Variants in ADCY1 observed in about 807,000 individuals in gnomAD.
ADCY1 encodes the protein adenylate cyclase type 1.
In ADCY1, 28 loss-of-function variants were observed where a neutral mutation model predicts 105.4. That is an observed-to-expected ratio of 0.27 (90% CI 0.20 to 0.36). The LOEUF is 0.36. ADCY1 is among the 10% of genes least tolerant of loss of function. ADCY1 has a pLI of 1.00. For synonymous variants in ADCY1, 655 were observed against 623.8 expected, an observed-to-expected ratio of 1.05 and a Z score of -0.75; for missense variants, 977 against 1,434.2, an observed-to-expected ratio of 0.68 and a Z score of 5.15.
chr7:45,642,651 T>C (rs535960492), intron 4 of ADCY1, among the ~76,000 whole-genome samples: 3 of 152,326 alleles, frequency 2.0e-5, no homozygotes, highest in African/African-American at 7.2e-5. Flanking sequence ...TGTGCACTTC[T>C]CGTTGCTTCT....
rs1222634217 is a variant in ADCY1, at chr7:45,721,640, A to G, written c.*7645A>G. On this transcript the variant is annotated 3_prime_UTR_variant, in exon 20 of 20. Coordinates refer to ENST00000297323, the MANE Select transcript of ADCY1 (RefSeq NM_021116.4). The stretch of plus-strand genomic sequence containing the variant: ...ATCTTCCTCTGCTGTAGAGCCATTT[A>G]ATGTTATTGTCATATGCTGCTGGTG... 9.5e-5 allele frequency: 38 copies of G among 398,406 alleles called. No individual in the cohort carries two copies. The highest frequency in any genetic ancestry group is 1.5e-4 in the Non-Finnish European group (35 of 226,070). The allele number at this position is 398,406 out of a possible 1,614,324, so 24.7% of individuals were successfully genotyped here. A position where few individuals can be genotyped will look rare whatever the true frequency, so the allele number is the denominator to read the frequency against.
At chr7:45,644,836 A>G (rs191452265) in intron 4 of ADCY1, among the ~76,000 whole-genome samples, 1 of 152,350 alleles carries the variant, frequency 6.6e-6, no homozygotes, top group African/African-American at 2.4e-5. Context: ...AACAAAAGCC[A>G]GGGCCTCTGA....
chr7:45,589,344 G>T (rs893505692), intron 1 of ADCY1, among the ~76,000 whole-genome samples: 1 of 152,140 alleles, frequency 6.6e-6, no homozygotes, highest in African/African-American at 2.4e-5. Flanking sequence ...GCCGGGGTTG[G>T]GTCTCCTGCT....
At chr7:45,711,970 C>CATATATTAAATATGTATTTTAT (rs1284620069) in intron 19 of ADCY1, among the ~76,000 whole-genome samples, 1 of 102,426 alleles carries the variant, frequency 9.8e-6, no homozygotes, top group East Asian at 2.5e-4. Flanking sequence ...TATATAAATA[C>CATATATTAAATATGTATTTTAT]ATATTATATT....
chr7:45,616,909 G>A (rs1186694942), intron 3 of ADCY1, among the ~76,000 whole-genome samples: 3 of 152,192 alleles, frequency 2.0e-5, no homozygotes, highest in Non-Finnish European at 4.4e-5. Flanking sequence ...ACCCACAGGA[G>A]GGGCAAGTGA....
At chr7:45,627,151 T>C (rs1488167336) in intron 4 of ADCY1, among the ~76,000 whole-genome samples, 1 of 152,168 alleles carries the variant, frequency 6.6e-6, no homozygotes, top group Non-Finnish European at 1.5e-5. Context: ...GGCCAGCACA[T>C]GATGTCATCT....
At position 45,693,482 on chromosome 7, in the gene ADCY1, T is replaced by C. The variant is rs1319881339; in HGVS notation, c.2454+6809T>C. 4.9e-4 allele frequency among the ~76,000 whole-genome samples: 72 copies of C among 145,646 alleles called. 1 individual carries two copies. The highest frequency in any genetic ancestry group is 1.8e-3 in the African/African-American group (69 of 38,990). Reference sequence around the variant, plus strand: ...CTGGTCCTGGACTCTTTTTGGTTGGTAAACTATTGATTATTGCCACAATTT... The same window carrying C: ...CTGGTCCTGGACTCTTTTTGGTTGGCAAACTATTGATTATTGCCACAATTT... On this transcript the variant is annotated intron_variant, in intron 14 of 19. Transcript: ENST00000297323.
intron 19 of ADCY1, among the ~76,000 whole-genome samples, chr7:45,711,973 AT>A (rs1785260349): frequency 5.8e-5 from 3 of 52,052 alleles, no homozygotes; most frequent in South Asian, 1.6e-3. Flanking sequence ...ATAAATACAT[AT>A]TATATTAAAT....
At chr7:45,645,029 CAT>C (rs577911458) in intron 4 of ADCY1, among the ~76,000 whole-genome samples, 24 of 152,124 alleles carry the variant, frequency 1.6e-4, no homozygotes, top group Admixed American at 3.9e-4. Flanking sequence ...TATGTGCACA[CAT>C]GTGTGTATGG....
At chr7:45,627,475 T>C (rs1451471779) in intron 4 of ADCY1, among the ~76,000 whole-genome samples, 1 of 152,232 alleles carries the variant, frequency 6.6e-6, no homozygotes, top group African/African-American at 2.4e-5. Flanking sequence ...GAGTTGGCAC[T>C]GAGTCCCAGC....
chr7:45,702,846 G>C (rs546575756), intron 14 of ADCY1, among the ~76,000 whole-genome samples: 170 of 152,348 alleles, frequency 1.1e-3, no homozygotes, highest in South Asian at 2.3e-3. Flanking sequence ...ATTGGCCCTG[G>C]ATCTGCCCCT....
At chr7:45,677,681 C>T (rs1455653611) in intron 8 of ADCY1, among the ~76,000 whole-genome samples, 188 bp from the exon 9 acceptor site, 3 of 152,126 alleles carry the variant, frequency 2.0e-5, no homozygotes, top group Non-Finnish European at 4.4e-5. Context: ...GTGGGAACCC[C>T]AACACTGGCT....
intron 11 of ADCY1, chr7:45,680,522 T>C (rs1198114816): frequency 1.3e-5 from 2 of 152,266 alleles, no homozygotes; most frequent in African/African-American, 2.4e-5. Flanking sequence ...CCCAGTGTTA[T>C]ATTTGCATAA....
At chr7:45,608,495 G>A (rs2115851762) in intron 2 of ADCY1, among the ~76,000 whole-genome samples, 1 of 152,344 alleles carries the variant, frequency 6.6e-6, no homozygotes, top group South Asian at 2.1e-4. Context: ...ACTGGGGACA[G>A]CCAGCTGATA....
At chr7:45,624,663 C>A (rs1324370752) in intron 4 of ADCY1, among the ~76,000 whole-genome samples, 1 of 152,174 alleles carries the variant, frequency 6.6e-6, no homozygotes, top group African/African-American at 2.4e-5. Context: ...ACTGGAGCTT[C>A]TGGTCTGCAA....
chr7:45,595,173 A>G (rs1413981449), intron 2 of ADCY1, among the ~76,000 whole-genome samples: 3 of 152,106 alleles, frequency 2.0e-5, no homozygotes, highest in Non-Finnish European at 2.9e-5. Flanking sequence ...GTGCTCTTTT[A>G]CATCTTTATA....
At chr7:45,590,138 A>G (rs756173524) in intron 1 of ADCY1, among the ~76,000 whole-genome samples, 1 of 152,132 alleles carries the variant, frequency 6.6e-6, no homozygotes, top group Non-Finnish European at 1.5e-5. Context: ...ACGGGCTGCT[A>G]GCCCACACGG....
intron 4 of ADCY1, among the ~76,000 whole-genome samples, chr7:45,637,883 C>T (rs1341613607): frequency 5.3e-5 from 8 of 152,130 alleles, no homozygotes; most frequent in Non-Finnish European, 1.0e-4. Context: ...GACAGTTTTG[C>T]TTTGTTTTCT....
At chr7:45,659,970 T>C (rs573545615) in intron 6 of ADCY1, 72 bp from the exon 7 acceptor site, 2 of 1,582,340 alleles carry the variant, frequency 1.3e-6, no homozygotes, top group Admixed American at 1.7e-5. Context: ...CCCCTTCCCC[T>C]CTGGTAAGGC....
Sources: gnomAD v4.1 joint callset for allele counts (sites outside exome capture counted in the v4.1 genomes callset) on GRCh38, gnomAD v4.1.1 for gene constraint, MANE v1.5 for transcripts, NCBI Gene and HGNC (gene_info 2026-07-23, HGNC 2026-07-21) for gene names.